The following ZFP14 variants were observed in gnomAD, a reference collection of about 807,000 sequenced individuals.
ZFP14 encodes zinc finger protein 14 homolog.
Under a neutral mutation model 54.5 loss-of-function variants are expected in ZFP14, and 22 were observed. The observed-to-expected ratio is 0.40, with a 90% confidence interval of 0.29 to 0.58. The LOEUF is 0.58. ZFP14 is among the 20% of genes least tolerant of loss of function. ZFP14 has a pLI of 0.39. For synonymous variants in ZFP14, 159 were observed against 204.0 expected (o/e 0.78, Z 1.88); for missense variants, 470 against 637.8 (o/e 0.74, Z 2.83).
intron 2 of ZFP14, among the ~76,000 whole-genome samples, chr19:36,366,360 C>A (rs969392305): frequency 1.3e-5 from 2 of 152,152 alleles, no homozygotes; most frequent in African/African-American, 4.8e-5. Context: ...GCTCTGTCAT[C>A]CAGGCTGGAG....
chr19:36,348,614 A>G (rs2031459840), intron 4 of ZFP14, among the ~76,000 whole-genome samples: 1 of 152,144 alleles, frequency 6.6e-6, no homozygotes, highest in African/African-American at 2.4e-5. Flanking sequence ...CTCCTGCCTC[A>G]GCCTCCCAAG....
At position 36,340,609 on chromosome 19, in the gene ZFP14, C is replaced by A. The variant is rs1230346299; in HGVS notation, c.1217G>T (p.Ser406Ile). The change falls in exon 5 of 5, where the codon AGT becomes ATT. Residue 406 changes from serine (S) to isoleucine (I), a missense_variant. Coordinates refer to ENST00000270001, the MANE Select transcript of ZFP14 (RefSeq NM_020917.3). The surrounding 1 kb of genome is among the most constrained non-coding windows in gnomAD (Gnocchi z 5.4). Reference sequence around the variant, plus strand: ...GTGTGAAATAAGCTGTGAGTAACTACTAAAGGTCTTCCAACATTCCATACA... The same window carrying A: ...GTGTGAAATAAGCTGTGAGTAACTAATAAAGGTCTTCCAACATTCCATACA... The part of the protein sequence containing the change: ...YECMECWKTF[S>I]SYSQLISHQS... 5 of 1,614,002 alleles carry A rather than the reference C, an allele frequency of 3.1e-6. No individual in the cohort carries two copies. Among genetic ancestry groups the A allele is most frequent in the Non-Finnish European group, 4.2e-6 (5 of 1,179,992 alleles).
intron 4 of ZFP14, among the ~76,000 whole-genome samples, chr19:36,353,648 A>C (rs2031565763): frequency 7.7e-6 from 1 of 129,812 alleles, no homozygotes; most frequent in Non-Finnish European, 1.7e-5. Context: ...CAGTGAGCCG[A>C]GATTGCGCCA....
intron 4 of ZFP14, among the ~76,000 whole-genome samples, chr19:36,346,710 C>A (rs776486754): frequency 1.4e-4 from 21 of 152,356 alleles, no homozygotes; most frequent in Non-Finnish European, 2.9e-4. Context: ...CCTGCCTCAG[C>A]CTCCCAAAGT....
rs112532620 is a variant in ZFP14, at chr19:36,363,096, T to A, written c.10-858A>T. Among the ~76,000 whole-genome samples the A allele has an allele frequency of 7.0e-4, 107 of 152,254 alleles. 1 individual carries two copies. Among genetic ancestry groups the A allele is most frequent in the Middle Eastern group, 3.4e-3 (1 of 294 alleles). On this transcript the variant is annotated intron_variant, in intron 2 of 4. Transcript: ENST00000270001. ...TCACTATCTATCATCTCTTGAACAT[T>A]GTTTTTTTGTTCCTGAGTTACAGGA...
intron 1 of ZFP14, among the ~76,000 whole-genome samples, chr19:36,375,652 G>A (rs895460698): frequency 2.3e-4 from 35 of 151,698 alleles, no homozygotes; most frequent in Non-Finnish European, 4.6e-4. Flanking sequence ...CCGCCTCCCG[G>A]GTTCACGCCA....
chr19:36,346,792 ACTAC>A (rs1307131596), intron 4 of ZFP14, among the ~76,000 whole-genome samples: 1 of 152,172 alleles, frequency 6.6e-6, no homozygotes, highest in African/African-American at 2.4e-5. Flanking sequence ...TGGCAGAAGC[ACTAC>A]CTACCTTTGT....
chr19:36,347,097 G>C (rs1326219180), intron 4 of ZFP14, among the ~76,000 whole-genome samples: 2 of 152,168 alleles, frequency 1.3e-5, no homozygotes, highest in Non-Finnish European at 2.9e-5. Flanking sequence ...ACTGCTGGCT[G>C]TGCTGAGAGC....
chr19:36,346,551 G>A (rs572803772), intron 4 of ZFP14, among the ~76,000 whole-genome samples: 9 of 151,978 alleles, frequency 5.9e-5, no homozygotes, highest in African/African-American at 1.4e-4. Flanking sequence ...TCTGCCTCCC[G>A]GGTTCAAGTG....
rs1476329078 is a variant in ZFP14, at chr19:36,360,464, A to T, written c.206T>A (p.Val69Glu). 4.3e-6 allele frequency: 7 copies of T among 1,613,500 alleles called. No homozygotes were observed. In the African/African-American group the frequency reaches 9.3e-5, roughly 22 times the overall value. The part of the protein sequence containing the change: ...DEERKEPGMV[V>E]REGTRRYCPD... ...GCAGTATCTTCTTGTCCCTTCCCTC[A>T]CAACCATCCCAGGTTCCTTCCTTTC... is the stretch of plus-strand genomic sequence containing the variant. The change falls in exon 4 of 5, where the codon GTG becomes GAG. Residue 69 changes from valine to glutamate, a missense_variant. Coordinates refer to ENST00000270001, the MANE Select transcript of ZFP14 (RefSeq NM_020917.3).
In ZFP14 at chr19:36,335,740, GTTT is replaced by G. The variant is rs1440851307; in HGVS notation, c.*4481_*4483del. The G allele has an allele frequency of 1.3e-5, 2 of 152,188 alleles. No homozygotes were observed. Among genetic ancestry groups the G allele is most frequent in the Middle Eastern group, 3.4e-3 (1 of 294 alleles). 9.4% of individuals were successfully genotyped at this position (152,188 alleles called of 1,614,324 possible). A position where few individuals can be genotyped will look rare whatever the true frequency, so the allele number is the denominator to read the frequency against. ...TGCATGTATAGTTTTACCATATTAT[GTTT>G]ATTATTTTTGAGACAGGTTCTCACT... is the stretch of plus-strand genomic sequence containing the variant. On this transcript the variant is annotated 3_prime_UTR_variant, in exon 5 of 5. Transcript: ENST00000270001.
rs1189736774 is a variant in ZFP14 at position 36,351,713 on chromosome 19, GC to G, written c.235+8721del. On this transcript the variant is annotated intron_variant, in intron 4 of 4. Transcript: ENST00000270001. Reference sequence around the variant, plus strand: ...CCCATCTCTAAAATAAAACAAATTAGCCGGGCATGGTGGTGTGTACCCGTAG... The same window carrying G: ...CCCATCTCTAAAATAAAACAAATTAGCGGGCATGGTGGTGTGTACCCGTAG... Among the ~76,000 whole-genome samples the G allele has an allele frequency of 2.1e-5, 3 of 140,334 alleles. No individual in the cohort carries two copies. In the East Asian group the frequency reaches 6.4e-4, roughly 30 times the overall value. The allele number at this position is 140,334 out of a possible 152,430, so 92.1% of individuals were successfully genotyped here.
chr19:36,361,715 C>A (rs1056124408), intron 3 of ZFP14, among the ~76,000 whole-genome samples: 2 of 152,146 alleles, frequency 1.3e-5, no homozygotes, highest in African/African-American at 4.8e-5. Context: ...TTTTAAATAA[C>A]CTTTCTGGAT....
At chr19:36,372,186 C>G (rs754830561) in intron 1 of ZFP14, among the ~76,000 whole-genome samples, 1 of 151,504 alleles carries the variant, frequency 6.6e-6, no homozygotes, top group African/African-American at 2.4e-5. Context: ...ACTTTCCAAA[C>G]CTGGGGAAAG....
At chr19:36,376,936 A>G (rs975966564) in intron 1 of ZFP14, among the ~76,000 whole-genome samples, 4 of 152,192 alleles carry the variant, frequency 2.6e-5, no homozygotes, top group Non-Finnish European at 2.9e-5. Context: ...TCCATAACCC[A>G]TACGACTGTC....
At chr19:36,368,589 A>G (rs1600083936) in intron 1 of ZFP14, among the ~76,000 whole-genome samples, 1 of 152,282 alleles carries the variant, frequency 6.6e-6, no homozygotes, top group South Asian at 2.1e-4. Context: ...CAGACACTGG[A>G]TTACTCAGAT....
chr19:36,363,189 C>CTTTTCTTTTTTTTTTTTTTTTTT (rs1555755935), intron 2 of ZFP14, among the ~76,000 whole-genome samples: 2 of 97,742 alleles, frequency 2.0e-5, no homozygotes, highest in Non-Finnish European at 4.0e-5. Flanking sequence ...CTTTTCTTTT[C>CTTTTCTTTTTTTTTTTTTTTTTT]TTTTTTTTTT....
rs1438208247 is a variant in ZFP14 at position 36,340,223 on chromosome 19, A to G, written c.*1T>C. The G allele has an allele frequency of 1.9e-6, 3 of 1,556,876 alleles. No individual in the cohort carries two copies. The highest frequency in any genetic ancestry group is 4.0e-5 in the Admixed American group (2 of 49,404). ...CATATACATTTGAAGGCTTTCTTCTATTAAATTCCATTATGAATCTTCTGA... is the reference window on the plus strand; with the variant it reads ...CATATACATTTGAAGGCTTTCTTCTGTTAAATTCCATTATGAATCTTCTGA... On this transcript the variant is annotated 3_prime_UTR_variant, in exon 5 of 5. Coordinates refer to ENST00000270001, the MANE Select transcript of ZFP14 (RefSeq NM_020917.3). This position sits in a 1 kb window ranked among gnomAD's most constrained non-coding sequence, Gnocchi z 5.4.
intron 1 of ZFP14, 65 bp from the exon 2 acceptor site, chr19:36,368,036 A>C (rs1253697420): frequency 1.0e-6 from 1 of 973,984 alleles, no homozygotes; most frequent in African/African-American, 1.7e-5. Context: ...GATGTACATC[A>C]TAAATATGAA....
Sources: allele counts gnomAD v4.1 joint callset (sites outside exome capture counted in the v4.1 genomes callset), GRCh38; gene constraint gnomAD v4.1.1; non-coding constraint Gnocchi (gnomAD v3.1); transcripts MANE v1.5; gene names NCBI Gene and HGNC (gene_info 2026-07-23, HGNC 2026-07-21).